NUP35: variants seen among roughly 807,000 people sequenced by gnomAD.
NUP35 encodes the protein nucleoporin NUP35.
In NUP35, 25 loss-of-function variants were observed where a neutral mutation model predicts 41.5. The ratio of observed to expected loss-of-function variants is 0.60; its 90% CI spans 0.44 to 0.84. The LOEUF is 0.84. Among genes scored for constraint, NUP35 ranks in the 40% least tolerant of loss-of-function variants. The probability of loss-of-function intolerance (pLI) is 0.00; values close to 1 mark genes in which losing one functional copy is unlikely to be tolerated. For missense variants in NUP35, 396 were observed against 396.6 expected, an observed-to-expected ratio of 1.00 and a Z score of 0.01; for synonymous variants, 149 against 130.7, an observed-to-expected ratio of 1.14 and a Z score of -0.96.
chr2:183,125,503 G>A (rs1270927095), intron 1 of NUP35, among the ~76,000 whole-genome samples: 1 of 152,188 alleles, frequency 6.6e-6, no homozygotes, highest in Non-Finnish European at 1.5e-5. Context: ...TTTGAGAATA[G>A]AGTAACTTGA....
intron 3 of NUP35, among the ~76,000 whole-genome samples, chr2:183,132,287 G>A (rs991059978): frequency 1.3e-5 from 2 of 152,060 alleles, no homozygotes; most frequent in Admixed American, 6.6e-5. Context: ...CTTCAAAAGT[G>A]CTGGGATTAC....
chr2:183,151,649 G>T lies in NUP35; in HGVS notation c.539G>T (p.Gly180Val). 1 of 1,611,228 alleles carries T rather than the reference G, an allele frequency of 6.2e-7. No homozygotes were observed. The highest frequency in any genetic ancestry group is 8.5e-7 in the Non-Finnish European group (1 of 1,179,096). ...HLDDSWVTVFGFPQASASYIL... is the reference protein window; with the variant it reads ...HLDDSWVTVFVFPQASASYIL... Reference sequence around the variant, plus strand: ...GATGACTCTTGGGTGACTGTATTTGGGTAAGGTTTGCAGACCATTTGCCTT... The same window carrying T: ...GATGACTCTTGGGTGACTGTATTTGTGTAAGGTTTGCAGACCATTTGCCTT... Residue 180 changes from glycine (G) to valine (V), a missense_variant and splice_region_variant, in exon 5 of 9, where the codon GGG becomes GTG. Physicochemically the swap from Gly to Val is moderately radical, Grantham distance 109. Transcript: ENST00000295119.
At chr2:183,141,863 T>C (rs534862402) in intron 4 of NUP35, among the ~76,000 whole-genome samples, 1 of 152,330 alleles carries the variant, frequency 6.6e-6, no homozygotes, top group South Asian at 2.1e-4. Flanking sequence ...TTTGTAGTGT[T>C]GAGTTCTTTT....
At chr2:183,130,627 T>C (rs528792464) in intron 3 of NUP35, 82 bp downstream of exon 3, 1 of 1,407,982 alleles carries the variant, frequency 7.1e-7, no homozygotes, top group East Asian at 2.3e-5. Context: ...TACTTTGAAA[T>C]GTTTCCCTGA....
chr2:183,152,253 CA>C (rs1019544978), intron 5 of NUP35, among the ~76,000 whole-genome samples: 4 of 150,864 alleles, frequency 2.7e-5, no homozygotes, highest in South Asian at 2.1e-4. Context: ...TTTTTAGGTC[CA>C]AAAAAAACTT....
chr2:183,151,179 TGGTA>T (rs1685458324), intron 4 of NUP35, among the ~76,000 whole-genome samples: 1 of 152,208 alleles, frequency 6.6e-6, no homozygotes, highest in African/African-American at 2.4e-5. Flanking sequence ...GTGATGAAAG[TGGTA>T]GGTTTGGAAG....
chr2:183,138,188 T>C (rs2105567821), intron 4 of NUP35, among the ~76,000 whole-genome samples: 1 of 145,324 alleles, frequency 6.9e-6, no homozygotes, highest in African/African-American at 2.6e-5. Flanking sequence ...AGGCAAGAAA[T>C]AGAAAAAGAG....
intron 5 of NUP35, among the ~76,000 whole-genome samples, chr2:183,154,070 C>CT (rs751438996): frequency 2.7e-4 from 41 of 152,212 alleles, no homozygotes; most frequent in Middle Eastern, 3.4e-3. Context: ...TACATTGTCC[C>CT]CTTTCAGCCA....
In NUP35 at chr2:183,134,193, A is replaced by G. The variant is rs116626982; in HGVS notation, c.397+570A>G. ...AGCACAGTTCTTCATATGTCGTCAT[A>G]TGTGTATAATCCCATCAAATGTTTA... On this transcript the variant is annotated intron_variant, in intron 4 of 8. Transcript: ENST00000295119. 2.4e-3 allele frequency among the ~76,000 whole-genome samples: 363 copies of G among 152,336 alleles called. 3 individuals are homozygous for G. The highest frequency in any genetic ancestry group is 8.3e-3 in the African/African-American group (346 of 41,572).
At chr2:183,141,673 G>A (rs953208189) in intron 4 of NUP35, among the ~76,000 whole-genome samples, 1 of 151,940 alleles carries the variant, frequency 6.6e-6, no homozygotes, top group East Asian at 1.9e-4. Context: ...AATTTTCTAT[G>A]TGCCGTTTGT....
At chr2:183,124,276 A>G, upstream of NUP35, 3 of 1,387,940 alleles carry the variant, frequency 2.2e-6, no homozygotes, top group South Asian at 1.8e-5. Context: ...TTCCTCGGAA[A>G]TTCTCAGCGC....
chr2:183,138,263 A>AT (rs1236157351), intron 4 of NUP35, among the ~76,000 whole-genome samples: 46 of 67,110 alleles, frequency 6.9e-4, no homozygotes, highest in South Asian at 1.4e-3. Context: ...ATATATATAT[A>AT]TATATATTTT....
At chr2:183,149,867 C>T (rs74417527) in intron 4 of NUP35, among the ~76,000 whole-genome samples, 2,235 of 152,178 alleles carry the variant, frequency 0.015, 33 homozygotes, top group Non-Finnish European at 0.025. Context: ...AAATTACACT[C>T]GTAAAGTGTA....
At chr2:183,154,933 G>A (rs578242488) in intron 5 of NUP35, among the ~76,000 whole-genome samples, 1 of 152,298 alleles carries the variant, frequency 6.6e-6, no homozygotes, top group South Asian at 2.1e-4. Context: ...GAGGCAAAAG[G>A]TACTTACATA....
intron 4 of NUP35, among the ~76,000 whole-genome samples, chr2:183,147,023 A>G (rs1280604726): frequency 2.0e-5 from 3 of 152,068 alleles, no homozygotes; most frequent in Non-Finnish European, 2.9e-5. Flanking sequence ...GGTCACCTGC[A>G]TGTCTTCTTT....
upstream of NUP35, among the ~76,000 whole-genome samples, chr2:183,119,838 A>G (rs1470395674): frequency 2.6e-5 from 4 of 151,902 alleles, no homozygotes. Flanking sequence ...GGTACATGCC[A>G]CCCCACCCTG....
chr2:183,138,265 ATATAT>A (rs1043931220), intron 4 of NUP35, among the ~76,000 whole-genome samples: 5 of 69,190 alleles, frequency 7.2e-5, no homozygotes, highest in African/African-American at 3.8e-4. Flanking sequence ...ATATATATAT[ATATAT>A]TTTTTTTTTT....
At chr2:183,151,205 A>T (rs566183600) in intron 4 of NUP35, among the ~76,000 whole-genome samples, 9 of 152,352 alleles carry the variant, frequency 5.9e-5, no homozygotes, top group African/African-American at 1.9e-4. Flanking sequence ...TGAAACCAAC[A>T]GAAGTCTTTG....
chr2:183,130,526 C>A lies in NUP35; in HGVS notation c.320C>A (p.Pro107His). 6.2e-7 allele frequency: 1 copy of A among 1,613,176 alleles called. No homozygotes were observed. The highest frequency in any genetic ancestry group is 8.5e-7 in the Non-Finnish European group (1 of 1,179,690). ...DISSPGLGSTPLTSRRQPNIS... is the reference protein window; with the variant it reads ...DISSPGLGSTHLTSRRQPNIS... ...TCTAGCCCAGGACTTGGATCAACACCTTTAACTTCAAGAAGACAGGTAATA... is the reference window on the plus strand; with the variant it reads ...TCTAGCCCAGGACTTGGATCAACACATTTAACTTCAAGAAGACAGGTAATA... Residue 107 changes from proline to histidine, a missense_variant, in exon 3 of 9, where the codon CCT becomes CAT. Transcript: ENST00000295119.
Sources: gnomAD v4.1 joint callset for allele counts (sites outside exome capture counted in the v4.1 genomes callset) on GRCh38, gnomAD v4.1.1 for gene constraint, MANE v1.5 for transcripts, NCBI Gene and HGNC (gene_info 2026-07-23, HGNC 2026-07-21) for gene names.